The following MAST4 variants were observed in gnomAD, a reference collection of about 807,000 sequenced individuals.
MAST4 encodes microtubule associated serine/threonine kinase family member 4, also known as microtubule-associated serine/threonine-protein kinase 4.
A neutral mutation model predicts 162.7 loss-of-function variants in MAST4; 89 were observed. The observed-to-expected ratio is 0.55, with a 90% CI of 0.46 to 0.65. The LOEUF (loss-of-function observed/expected upper bound fraction) is 0.65. Among genes scored for constraint, MAST4 ranks in the 30% least tolerant of loss-of-function variants. MAST4 has a pLI of 0.00. For missense variants in MAST4, 3,153 were observed against 3,374.0 expected (o/e 0.93, Z 1.62); for synonymous variants, 1,479 against 1,361.1 (o/e 1.09, Z -1.91).
intron 7 of MAST4, among the ~76,000 whole-genome samples, chr5:67,100,000 G>T (rs138867483): frequency 6.6e-6 from 1 of 151,990 alleles, no homozygotes; most frequent in African/African-American, 2.4e-5. Flanking sequence ...CCTTATTGAC[G>T]ATCTCATATC....
chr5:66,614,309 T>C (rs939929221), intron 1 of MAST4, among the ~76,000 whole-genome samples: 1 of 152,248 alleles, frequency 6.6e-6, no homozygotes, highest in African/African-American at 2.4e-5. Flanking sequence ...AACCACAGTG[T>C]GTACTCTGGA....
At chr5:67,049,916 T>C (rs577928236) in intron 4 of MAST4, among the ~76,000 whole-genome samples, 6 of 152,326 alleles carry the variant, frequency 3.9e-5, no homozygotes, top group African/African-American at 7.2e-5. Context: ...TGGTAGGGGA[T>C]GGCTAACAGG....
intron 1 of MAST4, among the ~76,000 whole-genome samples, chr5:66,734,019 G>T (rs1366055893): frequency 6.6e-6 from 1 of 152,000 alleles, no homozygotes; most frequent in Non-Finnish European, 1.5e-5. Flanking sequence ...AAGATAATAG[G>T]CTGTACATAT....
intron 4 of MAST4, among the ~76,000 whole-genome samples, chr5:67,034,660 T>G (rs1248185848): frequency 6.6e-6 from 1 of 152,200 alleles, no homozygotes; most frequent in African/African-American, 2.4e-5. Flanking sequence ...CTTTGTAAGT[T>G]TTCTGCAAAT....
chr5:66,637,942 A>G (rs1278537925), intron 1 of MAST4, among the ~76,000 whole-genome samples: 1 of 152,162 alleles, frequency 6.6e-6, no homozygotes, highest in Non-Finnish European at 1.5e-5. Context: ...AGTTCAAGTG[A>G]TCTGCCTGCC....
At chr5:66,635,335 G>A (rs1409184175) in intron 1 of MAST4, among the ~76,000 whole-genome samples, 1 of 152,164 alleles carries the variant, frequency 6.6e-6, no homozygotes, top group Non-Finnish European at 1.5e-5. Flanking sequence ...CTTGATACCT[G>A]TTCCAGGCAA....
At chr5:66,665,380 C>A (rs989218414) in intron 1 of MAST4, among the ~76,000 whole-genome samples, 2 of 152,136 alleles carry the variant, frequency 1.3e-5, no homozygotes, top group Non-Finnish European at 2.9e-5. Flanking sequence ...ACAAGATGAA[C>A]ATTTCTTCAT....
chr5:66,764,897 A>C (rs1425190325), intron 2 of MAST4, among the ~76,000 whole-genome samples: 1 of 152,212 alleles, frequency 6.6e-6, no homozygotes, highest in Non-Finnish European at 1.5e-5. Flanking sequence ...AGGTCTTCAC[A>C]TTCACTCACT....
intron 1 of MAST4, among the ~76,000 whole-genome samples, chr5:66,673,614 C>T (rs1349076420): frequency 6.6e-6 from 1 of 150,672 alleles, no homozygotes; most frequent in Admixed American, 6.7e-5. Flanking sequence ...GCAACTTCCA[C>T]CTCCTGAGTA....
chr5:67,077,987 T>TA (rs1000610314), intron 5 of MAST4, among the ~76,000 whole-genome samples: 5 of 151,978 alleles, frequency 3.3e-5, no homozygotes, highest in African/African-American at 4.8e-5. Context: ...TATTCCCAGC[T>TA]ACTAGGGAGG....
At chr5:66,885,829 A>G (rs1430496760) in intron 3 of MAST4, among the ~76,000 whole-genome samples, 1 of 152,218 alleles carries the variant, frequency 6.6e-6, no homozygotes, top group African/African-American at 2.4e-5. Context: ...TAGATGAGTA[A>G]TTTATACTTC....
chr5:66,609,318 C>G (rs1437526356), intron 1 of MAST4, among the ~76,000 whole-genome samples: 2 of 151,762 alleles, frequency 1.3e-5, no homozygotes. Flanking sequence ...CTGCCCAGCC[C>G]TTAAAGTGGA....
Position 66,664,008 on chromosome 5 carries a change from G to C in MAST4, c.363+66990G>C, listed in dbSNP as rs150373618. 2.9e-3 allele frequency among the ~76,000 whole-genome samples: 448 copies of C among 152,250 alleles called. 3 individuals are homozygous for C. Among genetic ancestry groups the C allele is most frequent in the Admixed American group, 5.4e-3 (83 of 15,294 alleles). ...TGCATCCCATATGCATTTTGAAGAT[G>C]AATTCAAAGATTCGCTGATGGACTG... On this transcript the variant is annotated intron_variant, in intron 1 of 28. Transcript: ENST00000403625.
intron 1 of MAST4, among the ~76,000 whole-genome samples, chr5:66,717,991 C>A (rs1010460575): frequency 2.0e-5 from 3 of 152,124 alleles, no homozygotes; most frequent in Non-Finnish European, 2.9e-5. Flanking sequence ...TGAGTTCTCA[C>A]TGGGACATGA....
rs1769038740 is a variant in MAST4 at position 67,132,064 on chromosome 5, CAAAAT to C, written c.2093+114_2093+118del. 9 of 1,200,616 alleles carry C rather than the reference CAAAAT, an allele frequency of 7.5e-6. No homozygotes were observed. The South Asian group carries it at 1.4e-4, about 19-fold the overall frequency. The allele number at this position is 1,200,616 out of a possible 1,614,324, so 74.4% of individuals were successfully genotyped here. ...CATTTTTAAATTATTCCATAATGTC[CAAAAT>C]GAGTTGTTTTAACAGTATATATGGT... On this transcript the variant is annotated intron_variant, in intron 16 of 28. Transcript: ENST00000403625.
chr5:66,869,588 A>G (rs1760776924), intron 3 of MAST4, among the ~76,000 whole-genome samples: 1 of 152,228 alleles, frequency 6.6e-6, no homozygotes, highest in African/African-American at 2.4e-5. Context: ...GGTAAGCATT[A>G]TACTGTGAAC....
Position 67,166,029 on chromosome 5 carries a change from G to A in MAST4, c.6850G>A (p.Ala2284Thr). 1 of 1,613,182 alleles carries A rather than the reference G, an allele frequency of 6.2e-7. No individual in the cohort carries two copies. Among genetic ancestry groups the A allele is most frequent in the Non-Finnish European group, 8.5e-7 (1 of 1,179,752 alleles). The change falls in exon 29 of 29, where the codon GCC becomes ACC. Residue 2284 changes from alanine (A) to threonine (T), a missense_variant. Transcript: ENST00000403625. ...GCACACTGACAGGGCTCCTCTAGAC[G>A]CCAAGCCACAACCCACCAGTGGTGG... is the stretch of plus-strand genomic sequence containing the variant. ...PLHTDRAPLD[A>T]KPQPTSGGRP... is the part of the protein sequence containing the mutation.
chr5:66,799,957 A>T (rs1755835998), intron 3 of MAST4, among the ~76,000 whole-genome samples: 1 of 152,192 alleles, frequency 6.6e-6, no homozygotes, highest in Admixed American at 6.5e-5. Context: ...ACAACTGAGG[A>T]TATCCACTTG....
Position 67,136,578 on chromosome 5 carries a change from C to G in MAST4, c.2408C>G (p.Pro803Arg). Residue 803 changes from proline (P) to arginine (R), a missense_variant, in exon 19 of 29, where the codon CCT becomes CGT. Physicochemically the swap from Pro to Arg is moderately radical, Grantham distance 103. Coordinates refer to ENST00000403625, the MANE Select transcript of MAST4 (RefSeq NM_001164664.2). ...TTCCTTCTAGATGAGATCAACTGGCCTGAGAAGGATGAGGCACCCCCACCT... is the reference window on the plus strand; with the variant it reads ...TTCCTTCTAGATGAGATCAACTGGCGTGAGAAGGATGAGGCACCCCCACCT... ...GQVISDEINW[P>R]EKDEAPPPDA... is the part of the protein sequence containing the mutation. 6.2e-7 allele frequency: 1 copy of G among 1,604,260 alleles called. No homozygotes were observed.
Sources: gnomAD v4.1 joint callset for allele counts (sites outside exome capture counted in the v4.1 genomes callset) on GRCh38, gnomAD v4.1.1 for gene constraint, MANE v1.5 for transcripts, NCBI Gene and HGNC (gene_info 2026-07-23, HGNC 2026-07-21) for gene names.